The following TMSB15B variants were observed in gnomAD, a reference collection of about 807,000 sequenced individuals.
TMSB15B encodes the protein thymosin beta 15B, also known as thymosin beta-15B.
rs782242913 is a variant in TMSB15B, at chrX:103,950,500, A to T, written c.-720-11521A>T. On this transcript the variant is annotated intron_variant, in intron 1 of 3. Coordinates refer to the TMSB15B transcript ENST00000419165. ...TAGACAGGAACACTGGTTCCAACGA[A>T]GCCTTATATTGTGTATAGAAACATA... Among the ~76,000 whole-genome samples, 282 of 110,594 alleles carry T rather than the reference A, an allele frequency of 2.5e-3. 1 individual carries two copies. The highest frequency in any genetic ancestry group is 4.4e-3 in the Non-Finnish European group (235 of 52,872).
At chrX:103,923,471 A>T (rs1473210525) in intron 1 of TMSB15B, among the ~76,000 whole-genome samples, 6 of 111,898 alleles carry the variant, frequency 5.4e-5, no homozygotes, top group African/African-American at 2.0e-4. Context: ...TCCTTTCCCC[A>T]TTTCTTGTTT....
intron 1 of TMSB15B, among the ~76,000 whole-genome samples, chrX:103,926,632 G>A (rs1413728296): frequency 2.1e-4 from 23 of 110,530 alleles, no homozygotes; most frequent in Admixed American, 1.8e-3. Context: ...CTGATTCTGG[G>A]CCTGGCAGCC....
At chrX:103,925,749 G>A (rs1556318711) in intron 1 of TMSB15B, among the ~76,000 whole-genome samples, 1 of 112,283 alleles carries the variant, frequency 8.9e-6, no homozygotes, top group African/African-American at 3.2e-5. Context: ...TCCTTGCACT[G>A]CCAAATCCTA....
At position 103,928,616 on chromosome X, in the gene TMSB15B, A is replaced by G. The variant is rs1556319376; in HGVS notation, c.-721+9324A>G. 3 of 1,161,798 alleles carry G rather than the reference A, an allele frequency of 2.6e-6. No individual in the cohort carries two copies. The African/African-American group carries it at 5.4e-5, about 21-fold the overall frequency. ...CTTTGGGGGCGGCTGTCACGGGGCT[A>G]CTACCATGGTTTCTGGCCTGTCCTG... On this transcript the variant is annotated intron_variant, in intron 1 of 3. Coordinates refer to the TMSB15B transcript ENST00000419165.
At chrX:103,925,730 A>C (rs2074966387) in intron 1 of TMSB15B, among the ~76,000 whole-genome samples, 1 of 112,216 alleles carries the variant, frequency 8.9e-6, no homozygotes, top group African/African-American at 3.2e-5. Flanking sequence ...TTGGTACAAT[A>C]GTTGGGAGTC....
chrX:103,954,185 C>T (rs1391555788), intron 1 of TMSB15B, among the ~76,000 whole-genome samples: 1 of 112,399 alleles, frequency 8.9e-6, no homozygotes, highest in Non-Finnish European at 1.9e-5. Flanking sequence ...CATGGCCAGG[C>T]ATGGCCACCC....
At chrX:103,928,308 C>G in intron 1 of TMSB15B, 1 of 1,204,061 alleles carries the variant, frequency 8.3e-7, no homozygotes, top group Non-Finnish European at 1.1e-6. Flanking sequence ...CACTTTGGCA[C>G]GAAGGTCCTC....
chrX:103,950,024 A>T (rs2075035077), intron 1 of TMSB15B, among the ~76,000 whole-genome samples: 1 of 111,623 alleles, frequency 9.0e-6, no homozygotes, highest in African/African-American at 3.3e-5. Context: ...AATGCTGCTG[A>T]TAGGTTAAGT....
At chrX:103,940,546 T>C (rs1275726884) in intron 1 of TMSB15B, among the ~76,000 whole-genome samples, 1 of 111,105 alleles carries the variant, frequency 9.0e-6, no homozygotes, top group African/African-American at 3.3e-5. Context: ...CTTCAGACTT[T>C]CGTGCTGGCA....
At chrX:103,920,887 A>G (rs1253431337) in intron 1 of TMSB15B, among the ~76,000 whole-genome samples, 1 of 112,340 alleles carries the variant, frequency 8.9e-6, no homozygotes, top group African/African-American at 3.2e-5. Flanking sequence ...TCCAAAGTGA[A>G]TGGCCATGAA....
At chrX:103,924,053 A>T in intron 1 of TMSB15B, among the ~76,000 whole-genome samples, 1 of 112,004 alleles carries the variant, frequency 8.9e-6, no homozygotes, top group Non-Finnish European at 1.9e-5. Context: ...CCTTCATGAC[A>T]ATCATTTTAC....
chrX:103,926,020 T>A (rs1260325634), intron 1 of TMSB15B, among the ~76,000 whole-genome samples: 3 of 110,169 alleles, frequency 2.7e-5, no homozygotes, highest in African/African-American at 9.9e-5. Context: ...TCTGGAGAAA[T>A]GGAAGTGGGG....
intron 1 of TMSB15B, among the ~76,000 whole-genome samples, chrX:103,950,581 C>T (rs1485539843): frequency 9.1e-6 from 1 of 109,618 alleles, no homozygotes; most frequent in Non-Finnish European, 1.9e-5. Context: ...GAAATTGGGT[C>T]ATGGCAGGTG....
intron 1 of TMSB15B, among the ~76,000 whole-genome samples, chrX:103,936,469 A>C (rs1233339590): frequency 1.8e-5 from 2 of 111,744 alleles, no homozygotes; most frequent in Non-Finnish European, 3.8e-5. Flanking sequence ...TGTGTGTAGG[A>C]ATGCTTATGA....
chrX:103,928,475 T>C (rs2074975436), intron 1 of TMSB15B: 1 of 1,203,684 alleles, frequency 8.3e-7, no homozygotes, highest in African/African-American at 1.7e-5. Flanking sequence ...TCTGGCCTGG[T>C]GGAGGCTGTG....
intron 1 of TMSB15B, among the ~76,000 whole-genome samples, chrX:103,945,250 G>C (rs1157667108): frequency 8.9e-6 from 1 of 112,277 alleles, no homozygotes; most frequent in Admixed American, 9.4e-5. Flanking sequence ...GTGAATACCT[G>C]AAACTGGGCA....
chrX:103,928,294 G>A (rs2074974806), intron 1 of TMSB15B: 6 of 1,202,611 alleles, frequency 5.0e-6, no homozygotes, highest in African/African-American at 1.7e-5. Flanking sequence ...CAGAGGCTGT[G>A]AGACACTTTG....
intron 1 of TMSB15B, among the ~76,000 whole-genome samples, chrX:103,956,038 C>G (rs12687822): frequency 0.16 from 15,809 of 98,535 alleles, 1,231 homozygotes; most frequent in Non-Finnish European, 0.22. Flanking sequence ...TCACATCCAG[C>G]CAAACTAAGC....
At chrX:103,942,049 C>T (rs782579026) in intron 1 of TMSB15B, among the ~76,000 whole-genome samples, 4 of 111,470 alleles carry the variant, frequency 3.6e-5, no homozygotes, top group Admixed American at 9.5e-5. Flanking sequence ...TATATCTCTC[C>T]CCACTTTGTC....
Sources: allele counts gnomAD v4.1 joint callset (sites outside exome capture counted in the v4.1 genomes callset), GRCh38; gene constraint gnomAD v4.1.1; transcripts MANE v1.5; gene names NCBI Gene and HGNC (gene_info 2026-07-23, HGNC 2026-07-21).